The following SOS2 variants were observed in gnomAD, a reference collection of about 807,000 sequenced individuals.
SOS2 encodes son of sevenless homolog 2.
In SOS2, 65 loss-of-function variants were observed where a neutral mutation model predicts 148.2. The ratio of observed to expected loss-of-function variants is 0.44; its 90% confidence interval spans 0.36 to 0.54. The LOEUF (loss-of-function observed/expected upper bound fraction) is 0.54. Ranked by LOEUF, SOS2 falls within the 20% of genes least tolerant of loss-of-function variation. The pLI, the probability that SOS2 is intolerant of heterozygous loss-of-function variation, is 0.00. For synonymous variants in SOS2, 539 were observed against 537.1 expected, an observed-to-expected ratio of 1.00 and a Z score of -0.05; for missense variants, 1,341 against 1,590.2, an observed-to-expected ratio of 0.84 and a Z score of 2.67.
chr14:50,123,735 G>A (rs1196268958), intron 21 of SOS2, among the ~76,000 whole-genome samples: 2 of 152,134 alleles, frequency 1.3e-5, no homozygotes, highest in African/African-American at 2.4e-5. Flanking sequence ...GATTCTAAAA[G>A]GATCATTCTG....
At chr14:50,229,081 C>T (rs3783421) in intron 1 of SOS2, among the ~76,000 whole-genome samples, 43,936 of 151,950 alleles carry the variant, frequency 0.29, 6,588 homozygotes, top group Admixed American at 0.4. Flanking sequence ...GTGGCTGATG[C>T]ATACCAGAAT....
intron 2 of SOS2, 120 bp from the exon 3 acceptor site, chr14:50,201,204 T>A (rs1886474785): frequency 3.3e-6 from 3 of 905,122 alleles, no homozygotes; most frequent in Non-Finnish European, 5.0e-6. Context: ...ACACAATACA[T>A]TCTGATTCCT....
chr14:50,133,242 C>CTTTTTCTT (rs1883955098), intron 19 of SOS2, among the ~76,000 whole-genome samples: 1 of 78,816 alleles, frequency 1.3e-5, no homozygotes, highest in East Asian at 4.6e-4. Context: ...TTTCTTTTTT[C>CTTTTTCTT]TTTTTTCTTT....
chr14:50,133,242 CTTTTTTCTTTTTTTT>C (rs1883956229), intron 19 of SOS2, among the ~76,000 whole-genome samples: 1 of 78,816 alleles, frequency 1.3e-5, no homozygotes, highest in African/African-American at 4.7e-5. Context: ...TTTCTTTTTT[CTTTTTTCTTTTTTTT>C]TTTTTTTGAG....
chr14:50,216,931 GC>G (rs764779117), intron 1 of SOS2, among the ~76,000 whole-genome samples: 6 of 152,122 alleles, frequency 3.9e-5, no homozygotes, highest in African/African-American at 9.7e-5. Flanking sequence ...ATTCCAGCAA[GC>G]TTTTTTGTAG....
chr14:50,150,681 C>T (rs978700811), intron 13 of SOS2, among the ~76,000 whole-genome samples: 3 of 151,924 alleles, frequency 2.0e-5, no homozygotes, highest in Admixed American at 6.6e-5. Context: ...CCCACCTCAG[C>T]CTCCCAAGTA....
intron 8 of SOS2, among the ~76,000 whole-genome samples, chr14:50,171,294 G>GGTAT (rs1885353954): frequency 6.6e-6 from 1 of 151,654 alleles, no homozygotes; most frequent in Non-Finnish European, 1.5e-5. Context: ...TCCACTCCTG[G>GGTAT]GTATATACAT....
At position 50,153,805 on chromosome 14, in the gene SOS2, G is replaced by A. The variant is rs370450969; in HGVS notation, c.2058-632C>T. ...TTTTTGTACTTTTAGTAGAGACGACGTTTTACCATGTTGGCCAGGCTGGTC... is the reference window on the plus strand; with the variant it reads ...TTTTTGTACTTTTAGTAGAGACGACATTTTACCATGTTGGCCAGGCTGGTC... On this transcript the variant is annotated intron_variant, in intron 12 of 22. Coordinates refer to ENST00000216373, the MANE Select transcript of SOS2 (RefSeq NM_006939.4). 3.2e-3 allele frequency among the ~76,000 whole-genome samples: 480 copies of A among 152,136 alleles called. 2 individuals carry two copies. The highest frequency in any genetic ancestry group is 0.011 in the African/African-American group (444 of 41,508).
chr14:50,151,177 T>C (rs995875521), intron 13 of SOS2, among the ~76,000 whole-genome samples: 20 of 152,188 alleles, frequency 1.3e-4, no homozygotes, highest in Admixed American at 1.0e-3. Flanking sequence ...TTATATTTAG[T>C]TTGAAAAGGG....
chr14:50,143,838 T>TC (rs1884375839), intron 16 of SOS2, among the ~76,000 whole-genome samples: 1 of 151,224 alleles, frequency 6.6e-6, no homozygotes. Context: ...TTTTTTTTTT[T>TC]TGTAGAGATG....
At chr14:50,148,342 A>G (rs968886403) in intron 14 of SOS2, among the ~76,000 whole-genome samples, 1 of 150,908 alleles carries the variant, frequency 6.6e-6, no homozygotes, top group Non-Finnish European at 1.5e-5. Context: ...CTTGGGAGGC[A>G]CAGGTTGCAG....
At chr14:50,178,910 T>G (rs75183459) in intron 7 of SOS2, among the ~76,000 whole-genome samples, 9,026 of 151,742 alleles carry the variant, frequency 0.059, 352 homozygotes, top group Admixed American at 0.14. Context: ...ATTTTTGCAT[T>G]TTTTAGTAGA....
At position 50,130,664 on chromosome 14, in the gene SOS2, T is replaced by C. The variant is rs763708050; in HGVS notation, c.3174A>G (p.Pro1058=). Reference sequence around the variant, plus strand: ...TTATTTTACATGGTTCTCTTTCTAATGGTGTTGGGTGACCTCGTAAAGTAC... The same window carrying C: ...TTATTTTACATGGTTCTCTTTCTAACGGTGTTGGGTGACCTCGTAAAGTAC... ...TSGTLRGHPT[P]LEREPCKISF... is the part of the protein sequence containing the mutation. Residue 1058 remains proline (P), a synonymous_variant, in exon 20 of 23, where the codon CCA becomes CCG. Coordinates refer to ENST00000216373, the MANE Select transcript of SOS2 (RefSeq NM_006939.4). 5 of 1,614,148 alleles carry C rather than the reference T, an allele frequency of 3.1e-6. No homozygotes were observed. The highest frequency in any genetic ancestry group is 4.2e-6 in the Non-Finnish European group (5 of 1,179,998).
chr14:50,153,004 G>T, intron 13 of SOS2, 66 bp downstream of exon 13: 1 of 748,588 alleles, frequency 1.3e-6, no homozygotes, highest in Non-Finnish European at 2.2e-6. Context: ...GTTTCTTAAA[G>T]TCACACAAAT....
chr14:50,147,952 C>T (rs1252326296), intron 14 of SOS2, among the ~76,000 whole-genome samples: 1 of 152,132 alleles, frequency 6.6e-6, no homozygotes, highest in Non-Finnish European at 1.5e-5. Flanking sequence ...GAGACCCTAT[C>T]TCTTTTTTTT....
rs376292971 is a variant in SOS2 at position 50,153,038 on chromosome 14, A to G, written c.2161+32T>C. On this transcript the variant is annotated intron_variant, in intron 13 of 22. Coordinates refer to ENST00000216373, the MANE Select transcript of SOS2 (RefSeq NM_006939.4). The stretch of plus-strand genomic sequence containing the variant: ...ATTTGAACATAAACTCATGTTCAAT[A>G]TAAGATTCAATCAAACCTTTATATA... 4.6e-5 allele frequency: 47 copies of G among 1,020,728 alleles called. No individual in the cohort carries two copies. The African/African-American group carries it at 7.0e-4, about 15-fold the overall frequency. 63.2% of individuals were successfully genotyped at this position (1,020,728 alleles called of 1,614,324 possible).
chr14:50,200,866 A>C, intron 3 of SOS2, 87 bp downstream of exon 3: 1 of 1,268,676 alleles, frequency 7.9e-7, no homozygotes, highest in Non-Finnish European at 1.1e-6. Flanking sequence ...AACACAGACC[A>C]TGCTACATTA....
chr14:50,199,899 C>G (rs1295162277), intron 3 of SOS2, 44 bp from the exon 4 acceptor site: 2 of 1,239,066 alleles, frequency 1.6e-6, no homozygotes, highest in Non-Finnish European at 2.3e-6. Context: ...GTAGCACTGT[C>G]AAGTATTACA....
At chr14:50,224,529 G>C (rs1185952789) in intron 1 of SOS2, among the ~76,000 whole-genome samples, 1 of 152,008 alleles carries the variant, frequency 6.6e-6, no homozygotes, top group Admixed American at 6.6e-5. Context: ...AAAAAGAAGA[G>C]ATCAACTGTC....
Sources: gnomAD v4.1 joint callset for allele counts (sites outside exome capture counted in the v4.1 genomes callset) on GRCh38, gnomAD v4.1.1 for gene constraint, MANE v1.5 for transcripts, NCBI Gene and HGNC (gene_info 2026-07-23, HGNC 2026-07-21) for gene names.